Variants in DPP6 observed in about 807,000 individuals in gnomAD.
DPP6 encodes the protein dipeptidyl peptidase like 6.
A neutral mutation model predicts 122.6 loss-of-function variants in DPP6; 69 were observed. That is an observed-to-expected ratio of 0.56 (90% CI 0.46 to 0.69). The LOEUF is 0.69. DPP6 is among the 30% of genes least tolerant of loss of function. The pLI is 0.00. For synonymous variants in DPP6, 418 were observed against 433.1 expected, an observed-to-expected ratio of 0.97 and a Z score of 0.43; for missense variants, 928 against 1,116.9, an observed-to-expected ratio of 0.83 and a Z score of 2.41.
chr7:154,681,305 GT>G (rs1187942037), intron 7 of DPP6, among the ~76,000 whole-genome samples: 1 of 152,150 alleles, frequency 6.6e-6, no homozygotes, highest in African/African-American at 2.4e-5. Context: ...ATTTAGAAGG[GT>G]GCCCCCACAT....
At chr7:154,300,956 G>A (rs1181885434) in intron 1 of DPP6, among the ~76,000 whole-genome samples, 2 of 152,152 alleles carry the variant, frequency 1.3e-5, no homozygotes. Flanking sequence ...ATTTAATATG[G>A]CTGATGTCCT....
the DPP6 span, among the ~76,000 whole-genome samples, chr7:153,795,785 TG>T: frequency 6.6e-6 from 1 of 150,914 alleles, no homozygotes; most frequent in Non-Finnish European, 1.5e-5. Context: ...AAAATTAATG[TG>T]GTATGATTTT....
chr7:154,683,912 A>C (rs1839438052), intron 7 of DPP6, among the ~76,000 whole-genome samples: 1 of 152,190 alleles, frequency 6.6e-6, no homozygotes, highest in South Asian at 2.1e-4. Flanking sequence ...TCTATCACCC[A>C]GGCTGGAATA....
intron 1 of DPP6, among the ~76,000 whole-genome samples, chr7:154,299,118 C>T (rs1031693650): frequency 4.6e-5 from 7 of 152,230 alleles, no homozygotes; most frequent in East Asian, 3.8e-4. Context: ...AAGGATCTCA[C>T]AGGTGATTTG....
chr7:154,555,464 T>C (rs941189855), intron 4 of DPP6, among the ~76,000 whole-genome samples: 68 of 151,656 alleles, frequency 4.5e-4, no homozygotes, highest in Middle Eastern at 3.5e-3. Flanking sequence ...CGGCGACTGT[T>C]GTGGGGTGGG....
chr7:154,013,831 A>C (rs1021121923), intron 1 of DPP6, among the ~76,000 whole-genome samples: 1 of 151,938 alleles, frequency 6.6e-6, no homozygotes, highest in Non-Finnish European at 1.5e-5. Context: ...CTGTCATCCA[A>C]GTCCCTTTCA....
intron 1 of DPP6, among the ~76,000 whole-genome samples, chr7:154,014,721 T>G (rs1404551994): frequency 6.6e-6 from 1 of 152,096 alleles, no homozygotes; most frequent in East Asian, 1.9e-4. Flanking sequence ...CTGCTTGTAT[T>G]TTTTGTTTCT....
At chr7:154,160,489 C>T (rs1331524556) in intron 1 of DPP6, among the ~76,000 whole-genome samples, 7 of 152,160 alleles carry the variant, frequency 4.6e-5, no homozygotes, top group Non-Finnish European at 1.0e-4. Flanking sequence ...CTTGTGTGGT[C>T]TACATTGTAT....
intron 4 of DPP6, among the ~76,000 whole-genome samples, chr7:154,558,840 C>T (rs1420374062): frequency 6.6e-6 from 1 of 152,066 alleles, no homozygotes; most frequent in African/African-American, 2.4e-5. Context: ...ATGGAATAAC[C>T]CTTAAAACAT....
At position 154,282,280 on chromosome 7, in the gene DPP6, A is replaced by G. The variant is rs1210627601; in HGVS notation, c.244-163934A>G. ...AGCCAGGCAGTGGTTTCCCTGTTGT[A>G]CAATTCAATAGCCTGCATGCAGGGA... On this transcript the variant is annotated intron_variant, in intron 1 of 25. Transcript: ENST00000377770. This position sits in a 1 kb window ranked among gnomAD's most constrained non-coding sequence, Gnocchi z 4.8. 6.6e-6 allele frequency among the ~76,000 whole-genome samples: 1 copy of G among 152,134 alleles called. No homozygotes were observed. The highest frequency in any genetic ancestry group is 1.9e-4 in the East Asian group (1 of 5,184).
In DPP6 at chr7:154,189,170, G is replaced by C. The variant is rs533999735; in HGVS notation, c.243+136107G>C. 3.9e-5 allele frequency among the ~76,000 whole-genome samples: 6 copies of C among 152,354 alleles called. No homozygotes were observed. The South Asian group carries it at 1.2e-3, about 32-fold the overall frequency. ...TGCTAATCCAAAGAGGAGGTAAGATGAGATCGTGATACCTTTTTCCCCAAG... is the reference window on the plus strand; with the variant it reads ...TGCTAATCCAAAGAGGAGGTAAGATCAGATCGTGATACCTTTTTCCCCAAG... On this transcript the variant is annotated intron_variant, in intron 1 of 25. Transcript: ENST00000377770.
At chr7:154,421,050 G>T (rs1211369242) in intron 1 of DPP6, among the ~76,000 whole-genome samples, 5 of 152,216 alleles carry the variant, frequency 3.3e-5, no homozygotes, top group Non-Finnish European at 7.3e-5. Context: ...CTGGAACTAA[G>T]CATACCAGGA....
chr7:154,037,251 G>T (rs1407604225), intron 1 of DPP6, among the ~76,000 whole-genome samples: 1 of 152,188 alleles, frequency 6.6e-6, no homozygotes, highest in African/African-American at 2.4e-5. Context: ...GGAGAAAAGA[G>T]TTCAGTTGGT....
At chr7:154,562,948 C>T (rs1373141399) in intron 4 of DPP6, among the ~76,000 whole-genome samples, 3 of 151,978 alleles carry the variant, frequency 2.0e-5, no homozygotes, top group Non-Finnish European at 4.4e-5. Context: ...TTAAAACCAT[C>T]TTCCTTTCAA....
intron 7 of DPP6, among the ~76,000 whole-genome samples, chr7:154,708,644 T>C (rs529312327): frequency 6.6e-6 from 1 of 152,274 alleles, no homozygotes; most frequent in African/African-American, 2.4e-5. Flanking sequence ...ATGCACACAA[T>C]AGTATTTTAT....
intron 1 of DPP6, among the ~76,000 whole-genome samples, chr7:154,430,422 G>A (rs1818262334): frequency 6.6e-6 from 1 of 152,152 alleles, no homozygotes; most frequent in East Asian, 1.9e-4. Flanking sequence ...GTGCTGGCGT[G>A]GTCAGGTCTG....
intron 4 of DPP6, among the ~76,000 whole-genome samples, chr7:154,560,426 G>A (rs1003423100): frequency 6.6e-6 from 1 of 151,988 alleles, no homozygotes; most frequent in Non-Finnish European, 1.5e-5. Context: ...TCTAATATAG[G>A]GTGGACTATA....
chr7:154,846,979 TCTC>T lies in DPP6; in HGVS notation c.1667-6798_1667-6796del, dbSNP rs374335184. Among the ~76,000 whole-genome samples, 23 of 152,328 alleles carry T rather than the reference TCTC, an allele frequency of 1.5e-4. No individual in the cohort carries two copies. In the East Asian group the frequency reaches 1.9e-3, roughly 13 times the overall value. ...GAGTAACTGCGTTTTATTCATTTAATCTCCTGCTAATGAGTAGCTGAGTAATTT... is the reference window on the plus strand; with the variant it reads ...GAGTAACTGCGTTTTATTCATTTAATCTGCTAATGAGTAGCTGAGTAATTT... On this transcript the variant is annotated intron_variant, in intron 16 of 25. Coordinates refer to ENST00000377770, the MANE Select transcript of DPP6 (RefSeq NM_130797.4).
At position 154,024,011 on chromosome 7, in the gene DPP6, G is replaced by A. The variant is rs1315055850; in HGVS notation, c.51+136277G>A. Among the ~76,000 whole-genome samples, 6 of 152,166 alleles carry A rather than the reference G, an allele frequency of 3.9e-5. No individual in the cohort carries two copies. In the South Asian group the frequency reaches 6.2e-4, roughly 16 times the overall value. On this transcript the variant is annotated intron_variant, in intron 1 of 25. Transcript: ENST00000404039. The stretch of plus-strand genomic sequence containing the variant: ...CAAATGCTTACCTATGACCTTTGAA[G>A]TTCTGATTATTCTGGGAGCTTCTGG...
Sources: allele counts gnomAD v4.1 joint callset (sites outside exome capture counted in the v4.1 genomes callset), GRCh38; gene constraint gnomAD v4.1.1; non-coding constraint Gnocchi (gnomAD v3.1); transcripts MANE v1.5; gene names NCBI Gene and HGNC (gene_info 2026-07-23, HGNC 2026-07-21).